SLC14A2: variants seen among roughly 807,000 people sequenced by gnomAD.
SLC14A2 encodes urea transporter 2.
Under a neutral mutation model 104.6 loss-of-function variants are expected in SLC14A2, and 91 were observed. That is an observed-to-expected ratio of 0.87 (90% CI 0.73 to 1.04). The LOEUF (loss-of-function observed/expected upper bound fraction) is 1.04, where lower values mean the gene tolerates loss of function less well. SLC14A2 is among the 50% of genes least tolerant of loss of function. The probability of loss-of-function intolerance (pLI) is 0.00; values close to 1 mark genes in which losing one functional copy is unlikely to be tolerated. For synonymous variants in SLC14A2, 476 were observed against 466.4 expected (o/e 1.02, Z -0.27); for missense variants, 1,189 against 1,156.0 (o/e 1.03, Z -0.41).
intron 1 of SLC14A2, among the ~76,000 whole-genome samples, chr18:45,288,286 G>T (rs555507971): frequency 1.3e-5 from 2 of 152,140 alleles, no homozygotes; most frequent in Non-Finnish European, 2.9e-5. Context: ...GATTAATCCT[G>T]TGCTTCAGGA....
intron 2 of SLC14A2, among the ~76,000 whole-genome samples, chr18:45,606,737 A>T (rs2044875824): frequency 1.4e-5 from 1 of 70,172 alleles, no homozygotes; most frequent in Non-Finnish European, 3.0e-5. Flanking sequence ...GTCTAATTAA[A>T]AAAAAAAAAA....
chr18:45,373,913 G>A (rs372643716), intron 1 of SLC14A2, among the ~76,000 whole-genome samples: 20 of 152,200 alleles, frequency 1.3e-4, no homozygotes, highest in Non-Finnish European at 2.8e-4. Context: ...TTTTTGAATT[G>A]TGAAGACAGG....
chr18:45,594,680 G>T (rs1295518466), intron 2 of SLC14A2, among the ~76,000 whole-genome samples: 1 of 152,136 alleles, frequency 6.6e-6, no homozygotes, highest in Non-Finnish European at 1.5e-5. Flanking sequence ...TCTCTTCCTT[G>T]TAAAAATTGG....
intron 2 of SLC14A2, among the ~76,000 whole-genome samples, chr18:45,585,747 A>G (rs1456985123): frequency 6.6e-6 from 1 of 151,684 alleles, no homozygotes; most frequent in East Asian, 1.9e-4. Flanking sequence ...CTCCCTCCCT[A>G]CTGCAGATAC....
chr18:45,400,198 A>G (rs554792757), intron 1 of SLC14A2, among the ~76,000 whole-genome samples: 12 of 152,194 alleles, frequency 7.9e-5, no homozygotes, highest in Non-Finnish European at 1.2e-4. Context: ...TTACAGCAAA[A>G]GAGACCAATT....
At chr18:45,470,132 C>T (rs2087220105) in intron 1 of SLC14A2, among the ~76,000 whole-genome samples, 2 of 152,008 alleles carry the variant, frequency 1.3e-5, no homozygotes, top group Non-Finnish European at 2.9e-5. Flanking sequence ...AAAGCTGTTG[C>T]TATGTTTTTT....
intron 9 of SLC14A2, among the ~76,000 whole-genome samples, chr18:45,643,555 C>G (rs566183680): frequency 6.6e-6 from 1 of 152,280 alleles, no homozygotes; most frequent in Non-Finnish European, 1.5e-5. Flanking sequence ...CTTTGCAAGA[C>G]AGGGTCTCGC....
At chr18:45,532,417 A>T (rs993819022) in intron 2 of SLC14A2, among the ~76,000 whole-genome samples, 3 of 151,510 alleles carry the variant, frequency 2.0e-5, no homozygotes, top group Non-Finnish European at 4.4e-5. Flanking sequence ...GGTCCTTCAC[A>T]TCCCTTGTAA....
At chr18:45,399,630 G>A (rs1466862809) in intron 1 of SLC14A2, among the ~76,000 whole-genome samples, 1 of 152,084 alleles carries the variant, frequency 6.6e-6, no homozygotes. Flanking sequence ...TAGGGTTGTA[G>A]GGGGAGAAGG....
chr18:45,296,129 C>A (rs1599652094), intron 1 of SLC14A2, among the ~76,000 whole-genome samples: 2 of 152,272 alleles, frequency 1.3e-5, no homozygotes, highest in South Asian at 2.1e-4. Context: ...GAGCACCAGA[C>A]ATGCAATTCA....
At chr18:45,570,761 A>G (rs373412711) in intron 2 of SLC14A2, among the ~76,000 whole-genome samples, 2 of 152,250 alleles carry the variant, frequency 1.3e-5, no homozygotes, top group Non-Finnish European at 1.5e-5. Flanking sequence ...TGAGACAAGG[A>G]GAGTGTTTAG....
In SLC14A2 at chr18:45,666,709, G is replaced by A. The variant is rs189410238; in HGVS notation, c.1558-226G>A. Among the ~76,000 whole-genome samples the A allele has an allele frequency of 4.4e-3, 675 of 152,122 alleles. 5 individuals are homozygous for A. Among genetic ancestry groups the A allele is most frequent in the African/African-American group, 0.016 (644 of 41,482 alleles). On this transcript the variant is annotated intron_variant, in intron 12 of 19. Transcript: ENST00000255226. ...TTGCCAGAGTCCTCCTCCACAGAACGAAAGTAAAGATGTTATCTTACTGTG... is the reference window on the plus strand; with the variant it reads ...TTGCCAGAGTCCTCCTCCACAGAACAAAAGTAAAGATGTTATCTTACTGTG...
intron 1 of SLC14A2, among the ~76,000 whole-genome samples, chr18:45,342,496 C>T (rs1356207747): frequency 6.6e-6 from 1 of 152,138 alleles, no homozygotes; most frequent in Non-Finnish European, 1.5e-5. Flanking sequence ...CATGCTGGGA[C>T]TTGGAGAATT....
chr18:45,396,637 T>C (rs553582835), intron 1 of SLC14A2, among the ~76,000 whole-genome samples: 2 of 151,620 alleles, frequency 1.3e-5, no homozygotes, highest in Non-Finnish European at 2.9e-5. Context: ...GTTTTTGTTT[T>C]TTTTCTTTTT....
At chr18:45,177,638 C>T in the SLC14A2 span, among the ~76,000 whole-genome samples, 1 of 152,138 alleles carries the variant, frequency 6.6e-6, no homozygotes, top group Non-Finnish European at 1.5e-5. Flanking sequence ...GAGGAGTCTT[C>T]CTTGATCACT....
intron 1 of SLC14A2, among the ~76,000 whole-genome samples, chr18:45,260,390 A>G (rs556515994): frequency 1.3e-5 from 2 of 152,288 alleles, no homozygotes; most frequent in East Asian, 3.9e-4. Flanking sequence ...TGAAGAGCAA[A>G]CACTATGTAG....
At chr18:45,200,434 A>C in the SLC14A2 span, among the ~76,000 whole-genome samples, 2 of 152,314 alleles carry the variant, frequency 1.3e-5, no homozygotes, top group Non-Finnish European at 2.9e-5. Flanking sequence ...ATAAATGTGA[A>C]AGTATTTTGA....
chr18:45,596,494 C>T (rs1379129070), intron 2 of SLC14A2, among the ~76,000 whole-genome samples: 2 of 152,152 alleles, frequency 1.3e-5, no homozygotes, highest in Non-Finnish European at 2.9e-5. Context: ...AGGAGTTGAA[C>T]AAGAGAAGGG....
chr18:45,552,827 G>T (rs796591293), intron 2 of SLC14A2, among the ~76,000 whole-genome samples: 2 of 152,316 alleles, frequency 1.3e-5, no homozygotes, highest in African/African-American at 4.8e-5. Flanking sequence ...CAGAGCTGGG[G>T]GAAAGAAAGC....
Sources: allele counts gnomAD v4.1 joint callset (sites outside exome capture counted in the v4.1 genomes callset), GRCh38; gene constraint gnomAD v4.1.1; transcripts MANE v1.5; gene names NCBI Gene and HGNC (gene_info 2026-07-23, HGNC 2026-07-21).